The following PRR16 variants were observed in gnomAD, a reference collection of about 807,000 sequenced individuals.
PRR16 encodes proline rich 16, also known as protein Largen.
A neutral mutation model predicts 18.2 loss-of-function variants in PRR16; 6 were observed. That is an observed-to-expected ratio of 0.33 (90% CI 0.18 to 0.65). The LOEUF (loss-of-function observed/expected upper bound fraction) is 0.65, where lower values mean the gene tolerates loss of function less well. PRR16 is among the 30% of genes least tolerant of loss of function. The pLI, the probability that PRR16 is intolerant of heterozygous loss-of-function variation, is 0.74. For missense variants in PRR16, 412 were observed against 376.6 expected, an observed-to-expected ratio of 1.09 and a Z score of -0.78; for synonymous variants, 151 against 147.8, an observed-to-expected ratio of 1.02 and a Z score of -0.16.
intron 1 of PRR16, among the ~76,000 whole-genome samples, chr5:120,641,127 G>A (rs993485066): frequency 5.3e-5 from 8 of 152,172 alleles, no homozygotes; most frequent in Non-Finnish European, 7.4e-5. Flanking sequence ...CACAACTTTC[G>A]TCTAGCTTAA....
chr5:120,660,660 A>G (rs1029303091), intron 1 of PRR16, among the ~76,000 whole-genome samples: 1 of 152,018 alleles, frequency 6.6e-6, no homozygotes, highest in African/African-American at 2.4e-5. Context: ...CCTTGCTGTC[A>G]AGCCAATCTC....
chr5:120,688,789 A>G (rs1389482160), downstream of PRR16, among the ~76,000 whole-genome samples: 1 of 152,180 alleles, frequency 6.6e-6, no homozygotes, highest in Admixed American at 6.5e-5. Context: ...TAGCAACCAC[A>G]CATCACCTAC....
the PRR16 span, among the ~76,000 whole-genome samples, chr5:120,704,316 G>T: frequency 6.6e-6 from 1 of 152,096 alleles, no homozygotes; most frequent in Admixed American, 6.6e-5. Flanking sequence ...CTATGAGTGT[G>T]GGAAACTGAC....
chr5:120,659,293 A>C (rs1268561277), intron 1 of PRR16, among the ~76,000 whole-genome samples: 2 of 151,996 alleles, frequency 1.3e-5, no homozygotes, highest in African/African-American at 4.8e-5. Context: ...GAAGCATTCA[A>C]GATATCTGTA....
intron 1 of PRR16, among the ~76,000 whole-genome samples, chr5:120,646,689 T>C (rs1480217672): frequency 2.0e-5 from 3 of 152,010 alleles, no homozygotes; most frequent in African/African-American, 7.2e-5. Flanking sequence ...AAAGTCAATA[T>C]GGGACTCCTG....
At chr5:120,655,047 A>G (rs1255614439) in intron 1 of PRR16, among the ~76,000 whole-genome samples, 1 of 151,936 alleles carries the variant, frequency 6.6e-6, no homozygotes, top group Non-Finnish European at 1.5e-5. Flanking sequence ...TCTCATGTAC[A>G]CCAATCATAA....
chr5:120,464,407 C>A lies in PRR16; in HGVS notation c.-80C>A. 1.4e-6 allele frequency: 2 copies of A among 1,443,284 alleles called. No individual in the cohort carries two copies. The highest frequency in any genetic ancestry group is 1.8e-6 in the Non-Finnish European group (2 of 1,087,780). 89.4% of individuals were successfully genotyped at this position (1,443,284 alleles called of 1,614,324 possible). On this transcript the variant is annotated 5_prime_UTR_variant, in exon 1 of 2. Transcript: ENST00000407149. Reference sequence around the variant, plus strand: ...GTGGGGGGACCGGGGCGGCAGCGGCCGTAGCAGCGCCAGGGACGGGGGCAC... The same window carrying A: ...GTGGGGGGACCGGGGCGGCAGCGGCAGTAGCAGCGCCAGGGACGGGGGCAC...
chr5:120,577,459 G>A (rs1259972469), intron 1 of PRR16, among the ~76,000 whole-genome samples: 1 of 151,428 alleles, frequency 6.6e-6, no homozygotes, highest in Non-Finnish European at 1.5e-5. Context: ...CCAAATAGGG[G>A]CAAAGGAATA....
chr5:120,506,244 G>C (rs557973895), intron 1 of PRR16, among the ~76,000 whole-genome samples: 123 of 151,826 alleles, frequency 8.1e-4, no homozygotes, highest in Non-Finnish European at 1.5e-3. Flanking sequence ...TAGGTTTTAG[G>C]TATTCTTTAT....
the PRR16 span, among the ~76,000 whole-genome samples, chr5:120,746,932 A>G: frequency 1.3e-5 from 2 of 152,224 alleles, no homozygotes; most frequent in South Asian, 2.1e-4. Context: ...TATTGGATAA[A>G]ATCATCTTTC....
the PRR16 span, among the ~76,000 whole-genome samples, chr5:120,724,432 G>T: frequency 1.3e-5 from 2 of 151,980 alleles, no homozygotes; most frequent in African/African-American, 4.8e-5. Flanking sequence ...ATTCCTAAGG[G>T]TTGCTGAGAA....
chr5:120,748,524 G>A, the PRR16 span, among the ~76,000 whole-genome samples: 3 of 151,962 alleles, frequency 2.0e-5, no homozygotes, highest in South Asian at 6.2e-4. Flanking sequence ...AAAAAAACAG[G>A]CATTAATCAA....
At chr5:120,480,775 T>C (rs1749585077) in intron 1 of PRR16, among the ~76,000 whole-genome samples, 1 of 152,190 alleles carries the variant, frequency 6.6e-6, no homozygotes, top group African/African-American at 2.4e-5. Context: ...CAAGATACTA[T>C]TGTTAAAATA....
chr5:120,582,430 C>T (rs1753303429), intron 1 of PRR16, among the ~76,000 whole-genome samples: 2 of 151,866 alleles, frequency 1.3e-5, no homozygotes, highest in African/African-American at 4.8e-5. Context: ...ACAAACATGA[C>T]ATGTACCCCT....
At chr5:120,750,160 C>G in the PRR16 span, among the ~76,000 whole-genome samples, 1 of 151,976 alleles carries the variant, frequency 6.6e-6, no homozygotes, top group Admixed American at 6.6e-5. Context: ...AACAAATAAG[C>G]TGTTAACTGA....
chr5:120,533,623 G>GCGTGCAGGTGGTCCAGT (rs1751621371), intron 1 of PRR16, among the ~76,000 whole-genome samples: 1 of 152,128 alleles, frequency 6.6e-6, no homozygotes, highest in Admixed American at 6.6e-5. Context: ...AACCACCAGG[G>GCGTGCAGGTGGTCCAGT]AAAAGTTTCC....
At chr5:120,597,476 T>G (rs1176515753) in intron 1 of PRR16, among the ~76,000 whole-genome samples, 1 of 151,648 alleles carries the variant, frequency 6.6e-6, no homozygotes, top group African/African-American at 2.4e-5. Flanking sequence ...ATTTAAATGT[T>G]TAATTAATAC....
At chr5:120,582,103 A>T in intron 1 of PRR16, among the ~76,000 whole-genome samples, 1 of 152,178 alleles carries the variant, frequency 6.6e-6, no homozygotes, top group East Asian at 1.9e-4. Flanking sequence ...GGTATATATA[A>T]AACACAGGAT....
At chr5:120,674,706 T>C (rs1471036640) in intron 1 of PRR16, among the ~76,000 whole-genome samples, 1 of 152,110 alleles carries the variant, frequency 6.6e-6, no homozygotes, top group East Asian at 1.9e-4. Context: ...ATTTATTTTA[T>C]TATTACCATC....
Sources: gnomAD v4.1 joint callset for allele counts (sites outside exome capture counted in the v4.1 genomes callset) on GRCh38, gnomAD v4.1.1 for gene constraint, MANE v1.5 for transcripts, NCBI Gene and HGNC (gene_info 2026-07-23, HGNC 2026-07-21) for gene names.